RNFT2: variants seen among roughly 807,000 people sequenced by gnomAD.
RNFT2 encodes ring finger protein, transmembrane 2, also known as E3 ubiquitin-protein ligase RNFT2.
Under a neutral mutation model 53.0 loss-of-function variants are expected in RNFT2, and 36 were observed. That is an observed-to-expected ratio of 0.68 (90% CI 0.52 to 0.90). RNFT2 has a LOEUF of 0.90. Ranked by LOEUF, RNFT2 falls within the 40% of genes least tolerant of loss-of-function variation. The pLI is 0.00. For synonymous variants in RNFT2, 260 were observed against 253.2 expected (o/e 1.03, Z -0.26); for missense variants, 514 against 585.6 (o/e 0.88, Z 1.26).
chr12:116,760,880 T>C (rs909883391), intron 5 of RNFT2, among the ~76,000 whole-genome samples: 1 of 152,166 alleles, frequency 6.6e-6, no homozygotes, highest in Non-Finnish European at 1.5e-5. Context: ...ACCTCTTCTT[T>C]TATTTCATAA....
chr12:116,849,294 G>T lies in RNFT2; in HGVS notation c.1201-20G>T, dbSNP rs1213401040. The T allele has an allele frequency of 1.2e-5, 18 of 1,523,804 alleles. No homozygotes were observed. The highest frequency in any genetic ancestry group is 1.6e-5 in the Non-Finnish European group (18 of 1,134,106). The allele number at this position is 1,523,804 out of a possible 1,614,324, so 94.4% of individuals were successfully genotyped here. A position where few individuals can be genotyped will look rare whatever the true frequency, so the allele number is the denominator to read the frequency against. ...CGCTCAGTAAAGAGTCCTGGTGCCT[G>T]CTGATTGCTGTCCCCGCAGCACGTG... On this transcript the variant is annotated intron_variant, in intron 10 of 10. Transcript: ENST00000257575.
chr12:116,793,530 C>A (rs1340331271), intron 7 of RNFT2, among the ~76,000 whole-genome samples: 1 of 152,132 alleles, frequency 6.6e-6, no homozygotes, highest in Non-Finnish European at 1.5e-5. Flanking sequence ...ATTTGCCTGG[C>A]CTGGCTCCTA....
At chr12:116,816,469 G>A (rs80045288) in intron 7 of RNFT2, among the ~76,000 whole-genome samples, 3,097 of 152,158 alleles carry the variant, frequency 0.02, 112 homozygotes, top group African/African-American at 0.07. Flanking sequence ...CCCCCTCCTC[G>A]CCAGAAGAGC....
chr12:116,794,041 G>A (rs114631515), intron 7 of RNFT2, among the ~76,000 whole-genome samples: 2,370 of 152,152 alleles, frequency 0.016, 71 homozygotes, highest in African/African-American at 0.054. Context: ...TGAGGTGGGA[G>A]GATCACTTGA....
At chr12:116,809,772 A>G (rs1436342655) in intron 7 of RNFT2, among the ~76,000 whole-genome samples, 1 of 152,036 alleles carries the variant, frequency 6.6e-6, no homozygotes, top group East Asian at 1.9e-4. Context: ...TCCCGGGTTC[A>G]AGCTATTCTC....
intron 10 of RNFT2, among the ~76,000 whole-genome samples, chr12:116,839,388 G>T (rs1182418984): frequency 7.0e-5 from 10 of 142,664 alleles, no homozygotes; most frequent in Non-Finnish European, 1.4e-4. Flanking sequence ...GGTTGGGTGG[G>T]TGGATGGATG....
chr12:116,806,650 A>T (rs1390135955), intron 7 of RNFT2, among the ~76,000 whole-genome samples: 3 of 150,842 alleles, frequency 2.0e-5, no homozygotes, highest in African/African-American at 7.3e-5. Context: ...TACTCGGGAG[A>T]CTGAGGATCC....
intron 7 of RNFT2, among the ~76,000 whole-genome samples, chr12:116,793,409 A>G (rs928706815): frequency 3.3e-5 from 5 of 151,884 alleles, no homozygotes; most frequent in African/African-American, 1.2e-4. Context: ...GCTGGTCTCG[A>G]ACTCCTGGGC....
intron 5 of RNFT2, among the ~76,000 whole-genome samples, chr12:116,756,980 TAAA>T (rs1199237332): frequency 6.6e-6 from 1 of 152,066 alleles, no homozygotes; most frequent in African/African-American, 2.4e-5. Context: ...TGGTAATTTT[TAAA>T]TTACCATTTC....
intron 10 of RNFT2, among the ~76,000 whole-genome samples, chr12:116,845,274 T>TATAGAG (rs1220792501): frequency 8.0e-6 from 1 of 125,428 alleles, no homozygotes; most frequent in Non-Finnish European, 1.6e-5. Flanking sequence ...TATATATATA[T>TATAGAG]AGAGAGAGAG....
At chr12:116,844,844 C>A (rs772167466) in intron 10 of RNFT2, among the ~76,000 whole-genome samples, 46 of 152,192 alleles carry the variant, frequency 3.0e-4, no homozygotes, top group Middle Eastern at 3.4e-3. Flanking sequence ...CCTCTTTTGT[C>A]CAGGGTAGCA....
rs1428043967 is a variant in RNFT2 at position 116,740,484 on chromosome 12, G to A, written c.-14G>A. On this transcript the variant is annotated 5_prime_UTR_variant, in exon 2 of 11. Coordinates refer to ENST00000257575, the MANE Select transcript of RNFT2 (RefSeq NM_001382266.1). ...GCCTACCTCCAGTGTCGTCAACATGGAGTTCTGAAGTCCATGTGGCTCTTC... is the reference window on the plus strand; with the variant it reads ...GCCTACCTCCAGTGTCGTCAACATGAAGTTCTGAAGTCCATGTGGCTCTTC... 1.9e-6 allele frequency: 3 copies of A among 1,571,668 alleles called. No homozygotes were observed. The highest frequency in any genetic ancestry group is 2.3e-5 in the South Asian group (2 of 85,374).
At chr12:116,802,355 G>A (rs541749164) in intron 7 of RNFT2, among the ~76,000 whole-genome samples, 1 of 152,238 alleles carries the variant, frequency 6.6e-6, no homozygotes, top group African/African-American at 2.4e-5. Flanking sequence ...ACTACAGGTG[G>A]GCCCACTGCT....
At chr12:116,842,642 T>C (rs1475449458) in intron 10 of RNFT2, among the ~76,000 whole-genome samples, 3 of 152,144 alleles carry the variant, frequency 2.0e-5, no homozygotes, top group Non-Finnish European at 4.4e-5. Flanking sequence ...GGCATGGTCT[T>C]GGCTCACTGC....
intron 7 of RNFT2, among the ~76,000 whole-genome samples, chr12:116,827,487 T>C (rs2137192047): frequency 6.6e-6 from 1 of 152,132 alleles, no homozygotes; most frequent in African/African-American, 2.4e-5. Context: ...TGGGAAATCC[T>C]GGGGATGTGT....
At chr12:116,809,277 C>T (rs1012133547) in intron 7 of RNFT2, among the ~76,000 whole-genome samples, 99 of 152,274 alleles carry the variant, frequency 6.5e-4, no homozygotes, top group African/African-American at 2.2e-3. Flanking sequence ...TCAGAGGTTG[C>T]GTTTGAACTC....
rs193123839 is a variant in RNFT2 at position 116,779,091 on chromosome 12, C to T, written c.729-104C>T. On this transcript the variant is annotated intron_variant, in intron 6 of 10. Coordinates refer to ENST00000257575, the MANE Select transcript of RNFT2 (RefSeq NM_001382266.1). Reference sequence around the variant, plus strand: ...CACAGACGTCTGACTCCCAGTTCAGCGCTCTTTCTACAGGTGATACTTAGA... The same window carrying T: ...CACAGACGTCTGACTCCCAGTTCAGTGCTCTTTCTACAGGTGATACTTAGA... 1.0e-3 allele frequency: 1,253 copies of T among 1,212,746 alleles called. 1 individual carries two copies. The highest frequency in any genetic ancestry group is 3.0e-3 in the Middle Eastern group (14 of 4,700). 75.1% of individuals were successfully genotyped at this position (1,212,746 alleles called of 1,614,324 possible). A position where few individuals can be genotyped will look rare whatever the true frequency, so the allele number is the denominator to read the frequency against.
In RNFT2 at chr12:116,833,882, G is replaced by A. The variant is rs1220221919; in HGVS notation, c.973G>A (p.Asp325Asn). Residue 325 changes from aspartate to asparagine, a missense_variant, in exon 8 of 11, where the codon GAC becomes AAC. Coordinates refer to ENST00000257575, the MANE Select transcript of RNFT2 (RefSeq NM_001382266.1). The stretch of plus-strand genomic sequence containing the variant: ...GTGGTACAAATACATCATGGGTGAC[G>A]ACTCCTCCAACAGCTACTTCCTGGG... ...QLWYKYIMGD[D>N]SSNSYFLGGV... The A allele has an allele frequency of 7.4e-6, 12 of 1,613,208 alleles. No homozygotes were observed. The East Asian group carries it at 8.9e-5, about 12-fold the overall frequency.
At chr12:116,841,861 ATATATATAAAT>A (rs1877316625) in intron 10 of RNFT2, among the ~76,000 whole-genome samples, 2 of 27,742 alleles carry the variant, frequency 7.2e-5, no homozygotes, top group East Asian at 1.4e-3. Flanking sequence ...ATATAAAAAT[ATATATATAAAT>A]ATATATATAA....
Sources: allele counts gnomAD v4.1 joint callset (sites outside exome capture counted in the v4.1 genomes callset), GRCh38; gene constraint gnomAD v4.1.1; transcripts MANE v1.5; gene names NCBI Gene and HGNC (gene_info 2026-07-23, HGNC 2026-07-21).